The following FOXRED2 variants were observed in gnomAD, a reference collection of about 807,000 sequenced individuals.
FOXRED2 encodes FAD dependent oxidoreductase domain containing 2, also known as FAD-dependent oxidoreductase domain-containing protein 2.
In FOXRED2, 32 loss-of-function variants were observed where a neutral mutation model predicts 52.5. The ratio of observed to expected loss-of-function variants is 0.61; its 90% CI spans 0.46 to 0.82. FOXRED2 has a LOEUF of 0.82. Ranked by LOEUF, FOXRED2 falls within the 40% of genes least tolerant of loss-of-function variation. The pLI is 0.00. For missense variants in FOXRED2, 848 were observed against 937.5 expected, an observed-to-expected ratio of 0.90 and a Z score of 1.25; for synonymous variants, 405 against 398.1, an observed-to-expected ratio of 1.02 and a Z score of -0.21.
At chr22:36,502,299 C>T (rs905290675) in intron 4 of FOXRED2, among the ~76,000 whole-genome samples, 3 of 152,188 alleles carry the variant, frequency 2.0e-5, no homozygotes, top group Admixed American at 1.3e-4. Context: ...CTTTGTCTTT[C>T]TGCACCCTGG....
At chr22:36,505,703 G>A (rs573811508) in intron 2 of FOXRED2, among the ~76,000 whole-genome samples, 193 bp downstream of exon 2, 1 of 152,220 alleles carries the variant, frequency 6.6e-6, no homozygotes, top group Admixed American at 6.5e-5. Flanking sequence ...CTAGAGAGGC[G>A]GAGGTTGCAG....
chr22:36,506,755 T>C (rs1234953390), intron 1 of FOXRED2: 6 of 268,038 alleles, frequency 2.2e-5, no homozygotes, highest in African/African-American at 1.3e-4. Flanking sequence ...CAACACCCCT[T>C]TGAACCACCC....
chr22:36,504,324 G>A lies in FOXRED2; in HGVS notation c.823C>T (p.Leu275=), dbSNP rs1934134058. 1 of 1,614,182 alleles carries A rather than the reference G, an allele frequency of 6.2e-7. No homozygotes were observed. Among genetic ancestry groups the A allele is most frequent in the Non-Finnish European group, 8.5e-7 (1 of 1,180,040 alleles). The stretch of plus-strand genomic sequence containing the variant: ...AGGTCAGACTCGAGCAGCCCGTCCA[G>A]GGACTTGAGCTGGTAGGTATCCAGC... ...GLLDTYQLKS[L]DGLLESDLTD... Residue 275 remains leucine, a synonymous_variant, in exon 4 of 9, where the codon CTG becomes TTG. Coordinates refer to ENST00000397224, the MANE Select transcript of FOXRED2 (RefSeq NM_001102371.2).
chr22:36,493,732 C>T lies in FOXRED2; in HGVS notation c.1696G>A (p.Asp566Asn). The stretch of plus-strand genomic sequence containing the variant: ...GGGGCAGTCCAGTCTGTTAAGAAGT[C>T]TTCCACGATGTGATGGATGGCCGTG... ...RPTAIHHIVE[D>N]FLTDWTAPIG... The change falls in exon 8 of 9, where the codon GAC (aspartate) becomes AAC (asparagine). Residue 566 changes from aspartate (D) to asparagine (N), a missense_variant. Asp to Asn is a conservative substitution (Grantham distance 23). Transcript: ENST00000397224. The T allele has an allele frequency of 6.2e-7, 1 of 1,614,222 alleles. No homozygotes were observed. The highest frequency in any genetic ancestry group is 8.5e-7 in the Non-Finnish European group (1 of 1,180,024).
At chr22:36,491,054 C>T (rs556699109) in intron 8 of FOXRED2, among the ~76,000 whole-genome samples, 39 of 152,034 alleles carry the variant, frequency 2.6e-4, no homozygotes, top group Admixed American at 2.1e-3. Context: ...CCCAGCTACT[C>T]GGGAGGCTGA....
In FOXRED2 at chr22:36,488,040, C is replaced by T. The variant is rs1453516377; in HGVS notation, c.*1968G>A. The T allele has an allele frequency of 6.7e-6, 1 of 150,344 alleles. No homozygotes were observed. Among genetic ancestry groups the T allele is most frequent in the African/African-American group, 2.5e-5 (1 of 40,762 alleles). 9.3% of individuals were successfully genotyped at this position (150,344 alleles called of 1,614,324 possible). Reference sequence around the variant, plus strand: ...CCGGGAGGCAGAAGTTGCAGTGAGCCGACATCGTGCCATTGCACTCCAGCC... The same window carrying T: ...CCGGGAGGCAGAAGTTGCAGTGAGCTGACATCGTGCCATTGCACTCCAGCC... On this transcript the variant is annotated 3_prime_UTR_variant, in exon 9 of 9. Transcript: ENST00000397224.
In FOXRED2 at chr22:36,504,541, C is replaced by G; in HGVS notation, c.753G>C (p.Trp251Cys). 2 of 1,614,090 alleles carry G rather than the reference C, an allele frequency of 1.2e-6. No homozygotes were observed. Among genetic ancestry groups the G allele is most frequent in the Non-Finnish European group, 1.7e-6 (2 of 1,180,012 alleles). Reference sequence around the variant, plus strand: ...TGAGGTCTCCAACGTAGTGGGTGGCCCAGGACAGACGGACCCGGGAGCGGC... The same window carrying G: ...TGAGGTCTCCAACGTAGTGGGTGGCGCAGGACAGACGGACCCGGGAGCGGC... ...MLSRSRVRLS[W>C]ATHYVGDLRA... The change falls in exon 3 of 9, where the codon TGG (tryptophan) becomes TGC (cysteine). Residue 251 changes from tryptophan (W) to cysteine (C), a missense_variant. By Grantham distance (215) the Trp-to-Cys change is radical. Transcript: ENST00000397224.
chr22:36,493,655 G>A lies in FOXRED2; in HGVS notation c.1773C>T (p.Thr591=), dbSNP rs1174861489. 2.5e-6 allele frequency: 4 copies of A among 1,614,070 alleles called. No individual in the cohort carries two copies. The highest frequency in any genetic ancestry group is 4.5e-5 in the East Asian group (2 of 44,880). The part of the protein sequence containing the change: ...LRRFLENCLD[T]DLRSFYAESC... ...TACCTGCATAGAAGCTTCGCAAATC[G>A]GTGTCCAAACAGTTCTCCAGGAAGC... The change falls in exon 8 of 9, where the codon ACC becomes ACT. Residue 591 remains threonine, a synonymous_variant. Coordinates refer to ENST00000397224, the MANE Select transcript of FOXRED2 (RefSeq NM_001102371.2).
intron 5 of FOXRED2, 34 bp downstream of exon 5, chr22:36,501,207 C>T: frequency 1.9e-6 from 3 of 1,609,720 alleles, no homozygotes; most frequent in Non-Finnish European, 2.5e-6. Context: ...GTGGTTCCGT[C>T]TGGGGACAGT....
intron 5 of FOXRED2, 36 bp downstream of exon 5, chr22:36,501,205 G>A (rs763631943): frequency 1.4e-5 from 23 of 1,607,960 alleles, no homozygotes; most frequent in South Asian, 4.4e-5. Flanking sequence ...GAGTGGTTCC[G>A]TCTGGGGACA....
At chr22:36,491,928 G>A (rs1052869751) in intron 8 of FOXRED2, among the ~76,000 whole-genome samples, 4 of 152,150 alleles carry the variant, frequency 2.6e-5, no homozygotes, top group Admixed American at 1.3e-4. Context: ...GGCAGACAGA[G>A]TGTCAGGAAT....
chr22:36,506,621 C>T (rs1039927865), intron 1 of FOXRED2, 198 bp from the exon 2 acceptor site: 19 of 512,556 alleles, frequency 3.7e-5, no homozygotes, highest in Non-Finnish European at 5.4e-5. Flanking sequence ...TCCCGAGCCC[C>T]TCCATCTTAT....
intron 7 of FOXRED2, 25 bp from the exon 8 acceptor site, chr22:36,493,828 T>C (rs768611581): frequency 3.7e-6 from 6 of 1,609,176 alleles, no homozygotes; most frequent in Middle Eastern, 1.7e-4. Context: ...GAGGGGGCCA[T>C]GTCAGAGCTG....
chr22:36,491,471 C>T (rs1179329076), intron 8 of FOXRED2, among the ~76,000 whole-genome samples: 1 of 152,070 alleles, frequency 6.6e-6, no homozygotes, highest in Non-Finnish European at 1.5e-5. Flanking sequence ...GGCACGATCC[C>T]AGCTCACTAC....
Position 36,496,513 on chromosome 22 carries a change from C to T in FOXRED2, c.1383-305G>A, listed in dbSNP as rs564280034. ...TTTGTGTTCAAGGAACAGAAGAGGC[C>T]GACGTGGCTGAGGGGAGTGAACAGC... On this transcript the variant is annotated intron_variant, in intron 6 of 8. Coordinates refer to ENST00000397224, the MANE Select transcript of FOXRED2 (RefSeq NM_001102371.2). Among the ~76,000 whole-genome samples, 6 of 152,200 alleles carry T rather than the reference C, an allele frequency of 3.9e-5. No individual in the cohort carries two copies. In the South Asian group the frequency reaches 6.2e-4, roughly 16 times the overall value.
Position 36,490,069 on chromosome 22 carries a change from C to G in FOXRED2, c.1994G>C (p.Gly665Ala), listed in dbSNP as rs150258816. The change falls in exon 9 of 9, where the codon GGT becomes GCT. Residue 665 changes from glycine to alanine, a missense_variant. Gly to Ala is a moderately conservative substitution (Grantham distance 60). Transcript: ENST00000397224. ...SQQLGDQEPLGSPLAPGPLAQ... is the reference protein window; with the variant it reads ...SQQLGDQEPLASPLAPGPLAQ... Reference sequence around the variant, plus strand: ...CAGAGGCCCTGGAGCCAGGGGGGAACCTAGTGGCTCTTGGTCGCCAAGCTG... The same window carrying G: ...CAGAGGCCCTGGAGCCAGGGGGGAAGCTAGTGGCTCTTGGTCGCCAAGCTG... The G allele has an allele frequency of 1.5e-4, 238 of 1,613,176 alleles. No homozygotes were observed. Among genetic ancestry groups the G allele is most frequent in the Non-Finnish European group, 1.7e-4 (204 of 1,179,458 alleles).
chr22:36,495,211 G>C (rs751186617), intron 7 of FOXRED2, among the ~76,000 whole-genome samples: 1 of 151,864 alleles, frequency 6.6e-6, no homozygotes, highest in Non-Finnish European at 1.5e-5. Context: ...CGCTTGCCTT[G>C]GTCTCTCAAA....
chr22:36,493,946 G>C, intron 7 of FOXRED2, 143 bp from the exon 8 acceptor site: 1 of 677,284 alleles, frequency 1.5e-6, no homozygotes, highest in Non-Finnish European at 2.5e-6. Flanking sequence ...CCTATGCTGG[G>C]CTGTGGTCAG....
In FOXRED2 at chr22:36,506,019, G is replaced by T; in HGVS notation, c.404C>A (p.Thr135Lys). Residue 135 changes from threonine to lysine, a missense_variant, in exon 2 of 9, where the codon ACG becomes AAG. Coordinates refer to ENST00000397224, the MANE Select transcript of FOXRED2 (RefSeq NM_001102371.2). ...MVRYLGDFAD[T>K]LGLRVQYNTT... The stretch of plus-strand genomic sequence containing the variant: ...GTTGTACTGGACACGGAGCCCCAGC[G>T]TGTCCGCGAAGTCACCCAGGTAGCG... 2.5e-6 allele frequency: 4 copies of T among 1,614,258 alleles called. No homozygotes were observed. Among genetic ancestry groups the T allele is most frequent in the South Asian group, 2.2e-5 (2 of 91,092 alleles).
Sources: allele counts gnomAD v4.1 joint callset (sites outside exome capture counted in the v4.1 genomes callset), GRCh38; gene constraint gnomAD v4.1.1; transcripts MANE v1.5; gene names NCBI Gene and HGNC (gene_info 2026-07-23, HGNC 2026-07-21).